The following ROBO2 variants were observed in gnomAD, a reference collection of about 807,000 sequenced individuals.
The protein encoded by ROBO2 is roundabout guidance receptor 2.
Under a neutral mutation model 160.8 loss-of-function variants are expected in ROBO2, and 53 were observed. That is an observed-to-expected ratio of 0.33 (90% CI 0.26 to 0.41). The LOEUF (loss-of-function observed/expected upper bound fraction) is 0.41, where lower values mean the gene tolerates loss of function less well. Among genes scored for constraint, ROBO2 ranks in the 10% least tolerant of loss-of-function variants. The pLI, the probability that ROBO2 is intolerant of heterozygous loss-of-function variation, is 1.00. For synonymous variants in ROBO2, 664 were observed against 611.7 expected (o/e 1.09, Z -1.26); for missense variants, 1,577 against 1,722.4 (o/e 0.92, Z 1.49).
rs555083315 is a variant in ROBO2 at position 76,336,120 on chromosome 3, A to G, written c.109+398518A>G. On this transcript the variant is annotated intron_variant, in intron 2 of 26. Transcript: ENST00000487694. The stretch of plus-strand genomic sequence containing the variant: ...ATTTGCCTGTATTCTTGAAGCTGTC[A>G]TAGGCTCTTTCTGTGTTATTGATAT... Among the ~76,000 whole-genome samples, 770 of 152,310 alleles carry G rather than the reference A, an allele frequency of 5.1e-3. 5 individuals are homozygous for G. The highest frequency in any genetic ancestry group is 7.9e-3 in the Non-Finnish European group (540 of 68,024).
At chr3:76,908,367 G>A (rs1013266330) in intron 2 of ROBO2, among the ~76,000 whole-genome samples, 2 of 151,916 alleles carry the variant, frequency 1.3e-5, no homozygotes, top group African/African-American at 2.4e-5. Flanking sequence ...TTTAATTCTC[G>A]ACTAAAATAA....
At chr3:76,534,802 G>A (rs2082405453) in intron 2 of ROBO2, among the ~76,000 whole-genome samples, 2 of 152,092 alleles carry the variant, frequency 1.3e-5, no homozygotes, top group African/African-American at 2.4e-5. Context: ...GCGTAGGAAA[G>A]CAAGGAGTCC....
chr3:76,123,481 G>A (rs770405585), intron 2 of ROBO2, among the ~76,000 whole-genome samples: 19 of 152,032 alleles, frequency 1.2e-4, no homozygotes, highest in Non-Finnish European at 2.6e-4. Context: ...TAAGTTGAGC[G>A]ACTTCATGGG....
At chr3:77,518,592 T>C (rs1421669407) in intron 5 of ROBO2, among the ~76,000 whole-genome samples, 3 of 151,346 alleles carry the variant, frequency 2.0e-5, no homozygotes, top group Admixed American at 6.6e-5. Flanking sequence ...GCCAAGGAGG[T>C]AGCTCTGATC....
At chr3:76,127,897 T>TTC (rs1262871517) in intron 2 of ROBO2, among the ~76,000 whole-genome samples, 3 of 144,034 alleles carry the variant, frequency 2.1e-5, no homozygotes, top group Non-Finnish European at 4.6e-5. Context: ...GACATTTCTT[T>TTC]TTTTTTTTTT....
At chr3:75,984,024 G>T (rs937461025) in intron 2 of ROBO2, among the ~76,000 whole-genome samples, 4 of 151,310 alleles carry the variant, frequency 2.6e-5, no homozygotes, top group African/African-American at 9.7e-5. Flanking sequence ...CTAGTAGGGA[G>T]ATACCTAAAT....
intron 2 of ROBO2, among the ~76,000 whole-genome samples, chr3:76,765,507 G>GAA (rs2061530597): frequency 6.6e-6 from 1 of 151,620 alleles, no homozygotes; most frequent in Non-Finnish European, 1.5e-5. Context: ...AAGGATGATA[G>GAA]AAATGATGCT....
intron 2 of ROBO2, among the ~76,000 whole-genome samples, chr3:77,334,327 C>A (rs2066267993): frequency 6.6e-6 from 1 of 152,192 alleles, no homozygotes; most frequent in Admixed American, 6.5e-5. Flanking sequence ...TGAATATCAT[C>A]TTCAGTGACA....
At chr3:76,368,420 G>T (rs1295640248) in intron 2 of ROBO2, among the ~76,000 whole-genome samples, 1 of 151,758 alleles carries the variant, frequency 6.6e-6, no homozygotes, top group Non-Finnish European at 1.5e-5. Flanking sequence ...CATTGACCAA[G>T]GCCAGCAATT....
At chr3:77,497,544 T>C (rs1005888566) in intron 5 of ROBO2, among the ~76,000 whole-genome samples, 3 of 152,106 alleles carry the variant, frequency 2.0e-5, no homozygotes, top group African/African-American at 7.2e-5. Context: ...ATTAGTGAGA[T>C]TGGGTGACGT....
chr3:77,316,476 C>A, intron 2 of ROBO2, among the ~76,000 whole-genome samples: 1 of 152,202 alleles, frequency 6.6e-6, no homozygotes, highest in African/African-American at 2.4e-5. Context: ...TTACCAGCTA[C>A]CACTTGAAGG....
At chr3:76,292,874 G>A (rs908933821) in intron 2 of ROBO2, among the ~76,000 whole-genome samples, 3 of 151,474 alleles carry the variant, frequency 2.0e-5, no homozygotes, top group East Asian at 1.9e-4. Flanking sequence ...TGATCTTATT[G>A]TACTGACCTA....
intron 2 of ROBO2, among the ~76,000 whole-genome samples, chr3:77,418,850 C>T (rs1044603780): frequency 6.6e-6 from 1 of 152,108 alleles, no homozygotes; most frequent in African/African-American, 2.4e-5. Flanking sequence ...GAAGTTGGCA[C>T]TTCTCTCACA....
intron 2 of ROBO2, among the ~76,000 whole-genome samples, chr3:76,221,168 A>T (rs141097110): frequency 6.6e-6 from 1 of 152,366 alleles, no homozygotes; most frequent in African/African-American, 2.4e-5. Flanking sequence ...GCATTCCTCC[A>T]TCTAGAACTA....
intron 2 of ROBO2, among the ~76,000 whole-genome samples, chr3:76,173,148 A>G (rs1024307071): frequency 1.3e-5 from 2 of 151,740 alleles, no homozygotes; most frequent in Non-Finnish European, 2.9e-5. Context: ...ACAAGATACA[A>G]AATTCTTTGA....
At chr3:76,129,793 C>T (rs1425498122) in intron 2 of ROBO2, among the ~76,000 whole-genome samples, 3 of 151,910 alleles carry the variant, frequency 2.0e-5, no homozygotes, top group African/African-American at 4.8e-5. Flanking sequence ...AATATTGATT[C>T]ACTTCTGCTT....
intron 2 of ROBO2, among the ~76,000 whole-genome samples, chr3:76,727,576 T>G (rs1420236973): frequency 6.6e-6 from 1 of 152,084 alleles, no homozygotes; most frequent in Non-Finnish European, 1.5e-5. Context: ...TAAAAAAGAA[T>G]GAAATTCTGG....
intron 2 of ROBO2, among the ~76,000 whole-genome samples, chr3:76,652,313 T>G (rs1337320569): frequency 2.6e-5 from 4 of 152,230 alleles, no homozygotes; most frequent in Admixed American, 1.3e-4. Flanking sequence ...CTAAGTACTT[T>G]ATGTGCATTG....
At chr3:76,876,677 GAA>G (rs1014822726) in intron 2 of ROBO2, among the ~76,000 whole-genome samples, 1 of 131,816 alleles carries the variant, frequency 7.6e-6, no homozygotes, top group Non-Finnish European at 1.7e-5. Context: ...TCTGTCTCAA[GAA>G]AAAAAAAAAA....
Sources: allele counts gnomAD v4.1 joint callset (sites outside exome capture counted in the v4.1 genomes callset), GRCh38; gene constraint gnomAD v4.1.1; transcripts MANE v1.5; gene names NCBI Gene and HGNC (gene_info 2026-07-23, HGNC 2026-07-21).